The following TBC1D31 variants were observed in gnomAD, a reference collection of about 807,000 sequenced individuals.
The protein encoded by TBC1D31 is WD repeat domain 67.
In TBC1D31, 99 loss-of-function variants were observed where a neutral mutation model predicts 132.9. The observed-to-expected ratio is 0.74, with a 90% CI of 0.63 to 0.88. The LOEUF (loss-of-function observed/expected upper bound fraction) is 0.88. Among genes scored for constraint, TBC1D31 ranks in the 40% least tolerant of loss-of-function variants. The probability of loss-of-function intolerance (pLI) is 0.00; values close to 1 mark genes in which losing one functional copy is unlikely to be tolerated. For synonymous variants in TBC1D31, 385 were observed against 419.4 expected (o/e 0.92, Z 1.00); for missense variants, 1,134 against 1,256.6 (o/e 0.90, Z 1.48).
At chr8:123,095,495 T>A (rs534789451) in intron 5 of TBC1D31, among the ~76,000 whole-genome samples, 14 of 152,348 alleles carry the variant, frequency 9.2e-5, no homozygotes, top group Admixed American at 7.2e-4. Context: ...AGTAATGAAT[T>A]GGTTTATTAG....
In TBC1D31 at chr8:123,129,164, C is replaced by G. The variant is rs568764398; in HGVS notation, c.2216C>G (p.Thr739Arg). The change falls in exon 15 of 22, where the codon ACA becomes AGA. Residue 739 changes from threonine to arginine, a missense_variant. Coordinates refer to ENST00000287380, the MANE Select transcript of TBC1D31 (RefSeq NM_145647.4). ...GAGCTGCTTCGTAAAGCTGAAGAAA[C>G]AAGAAGAGAAATGCTCTTACAAGAG... is the stretch of plus-strand genomic sequence containing the variant. The part of the protein sequence containing the change: ...KQELLRKAEE[T>R]RREMLLQEEE... 9 of 1,604,152 alleles carry G rather than the reference C, an allele frequency of 5.6e-6. No individual in the cohort carries two copies. In the East Asian group the frequency reaches 9.0e-5, roughly 16 times the overall value.
chr8:123,153,476 C>T (rs929424631), downstream of TBC1D31, among the ~76,000 whole-genome samples: 2 of 152,188 alleles, frequency 1.3e-5, no homozygotes, highest in East Asian at 3.8e-4. Context: ...TATGAATGCT[C>T]TCACCCAAAT....
downstream of TBC1D31, among the ~76,000 whole-genome samples, chr8:123,156,556 T>G (rs2131011494): frequency 6.6e-6 from 1 of 152,208 alleles, no homozygotes; most frequent in South Asian, 2.1e-4. Context: ...ATTCGCTGTT[T>G]GACCTGGGCA....
At chr8:123,154,316 T>C (rs1432555289), downstream of TBC1D31, among the ~76,000 whole-genome samples, 1 of 152,164 alleles carries the variant, frequency 6.6e-6, no homozygotes, top group Non-Finnish European at 1.5e-5. Context: ...TAAAGAGAAC[T>C]CTACAGGGTA....
At chr8:123,162,798 A>T in the TBC1D31 span, among the ~76,000 whole-genome samples, 6 of 151,946 alleles carry the variant, frequency 3.9e-5, no homozygotes, top group Non-Finnish European at 8.8e-5. Flanking sequence ...ACCACCCAAA[A>T]CGTAATGGCT....
chr8:123,096,839 AGTTTGGGC>A (rs1816883633), intron 5 of TBC1D31, among the ~76,000 whole-genome samples: 1 of 152,334 alleles, frequency 6.6e-6, no homozygotes, highest in Middle Eastern at 3.4e-3. Flanking sequence ...GCAGGAAAAA[AGTTTGGGC>A]TGTTTTGTTT....
chr8:123,098,335 T>C (rs1817034451), intron 6 of TBC1D31, among the ~76,000 whole-genome samples: 1 of 152,220 alleles, frequency 6.6e-6, no homozygotes, highest in Non-Finnish European at 1.5e-5. Flanking sequence ...GGAGTCTAGC[T>C]CTGTCTCCCA....
chr8:123,165,159 C>T, the TBC1D31 span, among the ~76,000 whole-genome samples: 1 of 152,234 alleles, frequency 6.6e-6, no homozygotes, highest in Non-Finnish European at 1.5e-5. Flanking sequence ...GAATAAATTT[C>T]TGTTGTTTAA....
the TBC1D31 span, among the ~76,000 whole-genome samples, chr8:123,163,912 T>G: frequency 6.6e-6 from 1 of 152,210 alleles, no homozygotes. Flanking sequence ...GCTCCAAAAC[T>G]TTTTCATCAC....
chr8:123,148,765 C>G (rs752930563), intron 20 of TBC1D31, among the ~76,000 whole-genome samples: 31 of 152,156 alleles, frequency 2.0e-4, no homozygotes, highest in Non-Finnish European at 4.3e-4. Flanking sequence ...CGCCTCTAAT[C>G]CCAGCACTTT....
the TBC1D31 span, among the ~76,000 whole-genome samples, chr8:123,162,009 G>A: frequency 5.9e-5 from 6 of 101,190 alleles, no homozygotes; most frequent in Non-Finnish European, 1.8e-5. Context: ...CAGCGTGAGA[G>A]TCCGACTCAA....
chr8:123,152,351 C>T (rs1173594078), downstream of TBC1D31, among the ~76,000 whole-genome samples: 1 of 152,090 alleles, frequency 6.6e-6, no homozygotes, highest in Non-Finnish European at 1.5e-5. Context: ...CATCTTCCTG[C>T]CCACCCCCGC....
At chr8:123,082,632 G>C in intron 2 of TBC1D31, 70 bp from the exon 3 acceptor site, 4 of 1,118,298 alleles carry the variant, frequency 3.6e-6, no homozygotes, top group Non-Finnish European at 5.2e-6. Flanking sequence ...TCGTCTCTAC[G>C]GACTCCTTCC....
Position 123,097,388 on chromosome 8 carries a change from G to T in TBC1D31, c.778G>T (p.Ala260Ser). ...RIIQMPTKVRAIRHLEFLPDS... is the reference protein window; with the variant it reads ...RIIQMPTKVRSIRHLEFLPDS... ...TATCCAGATGCCCACTAAAGTTCGA[G>T]CCATTCGCCATCTGGAATTTCTTCC... is the stretch of plus-strand genomic sequence containing the variant. Residue 260 changes from alanine to serine, a missense_variant, in exon 6 of 22, where the codon GCC becomes TCC. Physicochemically the swap from Ala to Ser is moderately conservative, Grantham distance 99. Transcript: ENST00000287380. The T allele has an allele frequency of 6.2e-7, 1 of 1,614,152 alleles. No homozygotes were observed. The highest frequency in any genetic ancestry group is 8.5e-7 in the Non-Finnish European group (1 of 1,180,036).
chr8:123,105,812 G>A (rs1247830804), intron 8 of TBC1D31, among the ~76,000 whole-genome samples: 1 of 152,096 alleles, frequency 6.6e-6, no homozygotes, highest in African/African-American at 2.4e-5. Flanking sequence ...CATATACAAA[G>A]TACACATTAA....
Position 123,084,204 on chromosome 8 carries a change from C to T in TBC1D31, c.383C>T (p.Ser128Leu). 6.2e-7 allele frequency: 1 copy of T among 1,614,162 alleles called. No individual in the cohort carries two copies. The highest frequency in any genetic ancestry group is 8.5e-7 in the Non-Finnish European group (1 of 1,180,016). Residue 128 changes from serine (S) to leucine (L), a missense_variant, in exon 4 of 22, where the codon TCA becomes TTA. Ser to Leu is a moderately radical substitution (Grantham distance 145, BLOSUM62 -2). Coordinates refer to ENST00000287380, the MANE Select transcript of TBC1D31 (RefSeq NM_145647.4). ...LVSWMRGHES[S>L]VFSISVHASG... ...AGCTGGATGAGAGGACATGAATCAT[C>T]AGTATTTTCGATCTCTGTGCATGCA... is the stretch of plus-strand genomic sequence containing the variant.
chr8:123,108,715 A>G (rs1263319987), intron 8 of TBC1D31, among the ~76,000 whole-genome samples: 2 of 152,200 alleles, frequency 1.3e-5, no homozygotes, highest in Non-Finnish European at 2.9e-5. Flanking sequence ...TCACACTGCC[A>G]TAAAGAATAC....
chr8:123,088,189 CAA>C (rs71573665), intron 4 of TBC1D31, among the ~76,000 whole-genome samples: 1 of 139,836 alleles, frequency 7.2e-6, no homozygotes. Flanking sequence ...ACTCTTGTCT[CAA>C]AAAAAAAAAA....
At position 123,142,390 on chromosome 8, in the gene TBC1D31, C is replaced by G; in HGVS notation, c.2769C>G (p.Leu923=). 1 of 1,606,332 alleles carries G rather than the reference C, an allele frequency of 6.2e-7. No homozygotes were observed. Among genetic ancestry groups the G allele is most frequent in the Non-Finnish European group, 8.5e-7 (1 of 1,176,870 alleles). ...RNKCYQEVAK[L]LRENRRKEIE... is the part of the protein sequence containing the mutation. ...AATGTTACCAGGAAGTAGCCAAACT[C>G]CTTAGGGAAAACAGAAGGAAAGAAA... is the stretch of plus-strand genomic sequence containing the variant. Residue 923 remains leucine, a synonymous_variant, in exon 19 of 22, where the codon CTC becomes CTG. Transcript: ENST00000287380.
Sources: allele counts gnomAD v4.1 joint callset (sites outside exome capture counted in the v4.1 genomes callset), GRCh38; gene constraint gnomAD v4.1.1; transcripts MANE v1.5; gene names NCBI Gene and HGNC (gene_info 2026-07-23, HGNC 2026-07-21).